The following UGT1A10 variants were observed in gnomAD, a reference collection of about 807,000 sequenced individuals.
UGT1A10 encodes the protein UDP glucuronosyltransferase family 1 member A10.
UGT1A10 carries 49 observed loss-of-function variants against 45.8 expected under a neutral mutation model. The ratio of observed to expected loss-of-function variants is 1.07; its 90% CI spans 0.85 to 1.36. The LOEUF (loss-of-function observed/expected upper bound fraction) is 1.36. UGT1A10 is among the 40% of genes most tolerant of loss of function. UGT1A10 has a pLI of 0.00. For missense variants in UGT1A10, 745 were observed against 668.6 expected, an observed-to-expected ratio of 1.11 and a Z score of -1.26; for synonymous variants, 284 against 249.7, an observed-to-expected ratio of 1.14 and a Z score of -1.29.
intron 1 of UGT1A10, among the ~76,000 whole-genome samples, chr2:233,663,761 G>A (rs919705475): frequency 2.0e-5 from 3 of 152,144 alleles, no homozygotes; most frequent in Non-Finnish European, 4.4e-5. Context: ...AATGAACAAG[G>A]ACAGCTTGGA....
intron 1 of UGT1A10, among the ~76,000 whole-genome samples, chr2:233,639,664 TGAA>T (rs2125462065): frequency 6.6e-6 from 1 of 152,230 alleles, no homozygotes; most frequent in East Asian, 1.9e-4. Flanking sequence ...GGGGATTTCT[TGAA>T]GATCTCCTGT....
At chr2:233,756,672 A>T (rs1246322346) in intron 1 of UGT1A10, among the ~76,000 whole-genome samples, 1 of 152,212 alleles carries the variant, frequency 6.6e-6, no homozygotes, top group Non-Finnish European at 1.5e-5. Context: ...TATTTCCGCT[A>T]GAACTGCTAT....
intron 1 of UGT1A10, among the ~76,000 whole-genome samples, chr2:233,724,344 C>CA (rs2077230286): frequency 1.4e-5 from 2 of 144,986 alleles, no homozygotes; most frequent in East Asian, 2.2e-4. Context: ...GGGCTGACCC[C>CA]CCCCACCTCC....
At chr2:233,739,444 G>A (rs1292544084) in intron 1 of UGT1A10, among the ~76,000 whole-genome samples, 1 of 152,214 alleles carries the variant, frequency 6.6e-6, no homozygotes, top group African/African-American at 2.4e-5. Context: ...ACCCTGCAAA[G>A]CCACAGGGTT....
intron 1 of UGT1A10, chr2:233,744,085 T>A: frequency 2.3e-6 from 1 of 436,802 alleles, no homozygotes; most frequent in Non-Finnish European, 3.9e-6. Flanking sequence ...CATCCCAAGA[T>A]GCAGTGCTTC....
chr2:233,729,290 G>A, intron 1 of UGT1A10: 1 of 1,614,236 alleles, frequency 6.2e-7, no homozygotes, highest in Admixed American at 1.7e-5. Context: ...CATGCCAGAG[G>A]CCACCAGGCA....
chr2:233,760,503 A>G, intron 1 of UGT1A10: 1 of 1,614,262 alleles, frequency 6.2e-7, no homozygotes, highest in Non-Finnish European at 8.5e-7. Flanking sequence ...GAGACGGAGC[A>G]TTTTACACCT....
chr2:233,744,366 G>A (rs1692789065), intron 1 of UGT1A10, among the ~76,000 whole-genome samples: 1 of 151,836 alleles, frequency 6.6e-6, no homozygotes, highest in South Asian at 2.1e-4. Context: ...TGTTGTTTAG[G>A]ACTGCAGTTC....
intron 1 of UGT1A10, among the ~76,000 whole-genome samples, chr2:233,756,677 T>A (rs1198081671): frequency 1.3e-5 from 2 of 152,198 alleles, no homozygotes; most frequent in African/African-American, 4.8e-5. Flanking sequence ...CCGCTAGAAC[T>A]GCTATATAAT....
chr2:233,690,436 C>T (rs1323004872), intron 1 of UGT1A10: 2 of 1,271,186 alleles, frequency 1.6e-6, no homozygotes, highest in African/African-American at 1.5e-5. Flanking sequence ...ATCTTTGGGT[C>T]TCTCCTCTAT....
intron 1 of UGT1A10, among the ~76,000 whole-genome samples, chr2:233,640,158 C>T (rs900620456): frequency 3.9e-5 from 6 of 152,106 alleles, no homozygotes; most frequent in African/African-American, 1.4e-4. Context: ...AAGACTAAGG[C>T]CTCCCACTAA....
chr2:233,695,246 C>T (rs994103006), intron 1 of UGT1A10, among the ~76,000 whole-genome samples: 1 of 151,774 alleles, frequency 6.6e-6, no homozygotes, highest in Non-Finnish European at 1.5e-5. Flanking sequence ...CTGCCTCAGC[C>T]TCCTGAGTAG....
At chr2:233,693,959 G>T (rs1050258213) in intron 1 of UGT1A10, 2 of 1,582,394 alleles carry the variant, frequency 1.3e-6, no homozygotes, top group African/African-American at 2.7e-5. Context: ...TCCCTTGGAG[G>T]ATTTCCTGGA....
chr2:233,769,545 C>T lies in UGT1A10; in HGVS notation c.1295+1106C>T. ...ACCTCCTTTAGAAAGAAGCAGCAGT[C>T]AGGAAGACAGATGTGAAGAGCTGGA... is the stretch of plus-strand genomic sequence containing the variant. On this transcript the variant is annotated intron_variant, in intron 4 of 4. Transcript: ENST00000344644. This position sits in a 1 kb window ranked among gnomAD's most constrained non-coding sequence, Gnocchi z 4.4. 6.2e-7 allele frequency: 1 copy of T among 1,612,746 alleles called. No homozygotes were observed. Among genetic ancestry groups the T allele is most frequent in the Non-Finnish European group, 8.5e-7 (1 of 1,179,828 alleles).
chr2:233,722,763 C>A (rs370007116), intron 1 of UGT1A10, among the ~76,000 whole-genome samples: 2 of 151,548 alleles, frequency 1.3e-5, no homozygotes, highest in African/African-American at 4.9e-5. Context: ...AAGGCTGTTA[C>A]CTAATTCTGA....
intron 1 of UGT1A10, among the ~76,000 whole-genome samples, chr2:233,643,541 C>A (rs1170932874): frequency 6.6e-6 from 1 of 152,044 alleles, no homozygotes; most frequent in Non-Finnish European, 1.5e-5. Flanking sequence ...ATGCTCTATC[C>A]CCCTGCAGCA....
intron 1 of UGT1A10, chr2:233,719,315 G>A (rs768997881): frequency 1.2e-6 from 2 of 1,613,980 alleles, no homozygotes; most frequent in Non-Finnish European, 1.7e-6. Context: ...CTAAGTACCT[G>A]TCGATTCCTG....
chr2:233,714,599 A>G (rs2076399470), intron 1 of UGT1A10, among the ~76,000 whole-genome samples: 1 of 152,252 alleles, frequency 6.6e-6, no homozygotes, highest in Non-Finnish European at 1.5e-5. Flanking sequence ...TCTAGTGGGC[A>G]TGTTAAACAC....
chr2:233,681,833 A>T (rs752488359), intron 1 of UGT1A10: 244 of 1,505,216 alleles, frequency 1.6e-4, no homozygotes, highest in Non-Finnish European at 2.1e-4. Flanking sequence ...ATGAATGAAT[A>T]AGTACACGCC....
Sources: allele counts gnomAD v4.1 joint callset (sites outside exome capture counted in the v4.1 genomes callset), GRCh38; gene constraint gnomAD v4.1.1; non-coding constraint Gnocchi (gnomAD v3.1); transcripts MANE v1.5; gene names NCBI Gene and HGNC (gene_info 2026-07-23, HGNC 2026-07-21).